PTPRD: variants seen among roughly 807,000 people sequenced by gnomAD.
PTPRD encodes receptor-type tyrosine-protein phosphatase delta.
Under a neutral mutation model 214.5 loss-of-function variants are expected in PTPRD, and 34 were observed. That is an observed-to-expected ratio of 0.16 (90% CI 0.12 to 0.21). The LOEUF (loss-of-function observed/expected upper bound fraction) is 0.21, where lower values mean the gene tolerates loss of function less well. Ranked by LOEUF, PTPRD falls within the 10% of genes least tolerant of loss-of-function variation. The pLI, the probability that PTPRD is intolerant of heterozygous loss-of-function variation, is 1.00. For synonymous variants in PTPRD, 1,128 were observed against 845.7 expected (o/e 1.33, Z -5.79); for missense variants, 2,545 against 2,398.7 (o/e 1.06, Z -1.27).
chr9:9,129,592 AC>A (rs1185751732), intron 10 of PTPRD, among the ~76,000 whole-genome samples: 1 of 152,164 alleles, frequency 6.6e-6, no homozygotes, highest in Non-Finnish European at 1.5e-5. Flanking sequence ...ATTTTATATC[AC>A]TATAGGTAAT....
chr9:9,106,841 T>A (rs1475366062), intron 10 of PTPRD, among the ~76,000 whole-genome samples: 1 of 152,152 alleles, frequency 6.6e-6, no homozygotes, highest in Non-Finnish European at 1.5e-5. Flanking sequence ...TTGTTCTATC[T>A]CTTATTATCC....
At chr9:10,609,933 G>C (rs1363214988) in intron 2 of PTPRD, among the ~76,000 whole-genome samples, 10 of 152,070 alleles carry the variant, frequency 6.6e-5, no homozygotes, top group Admixed American at 5.2e-4. Context: ...GCAACTGAAA[G>C]CAAATGCAGG....
At chr9:8,583,061 G>A (rs576573866) in intron 14 of PTPRD, among the ~76,000 whole-genome samples, 14 of 152,280 alleles carry the variant, frequency 9.2e-5, no homozygotes, top group East Asian at 3.9e-4. Flanking sequence ...GTCCCCAACC[G>A]TTTTGGCCAA....
chr9:9,539,001 G>A (rs1442846793), intron 8 of PTPRD, among the ~76,000 whole-genome samples: 2 of 151,812 alleles, frequency 1.3e-5, no homozygotes, highest in African/African-American at 4.8e-5. Context: ...AGACAGCCAT[G>A]TTCCTGTTAT....
intron 11 of PTPRD, among the ~76,000 whole-genome samples, chr9:8,798,857 T>C (rs920794265): frequency 6.6e-6 from 1 of 152,154 alleles, no homozygotes; most frequent in Non-Finnish European, 1.5e-5. Flanking sequence ...TAAGTCAGAG[T>C]ATCTAGGTCC....
chr9:10,545,435 T>C (rs2059978769), intron 2 of PTPRD, among the ~76,000 whole-genome samples: 1 of 152,222 alleles, frequency 6.6e-6, no homozygotes, highest in South Asian at 2.1e-4. Context: ...CACACAGGCC[T>C]TAATACAATC....
At position 8,678,584 on chromosome 9, in the gene PTPRD, G is replaced by C. The variant is rs77167702; in HGVS notation, c.65-41740C>G. 3.6e-3 allele frequency among the ~76,000 whole-genome samples: 547 copies of C among 152,154 alleles called. 4 individuals carry two copies. Among genetic ancestry groups the C allele is most frequent in the African/African-American group, 0.013 (535 of 41,518 alleles). On this transcript the variant is annotated intron_variant, in intron 12 of 45. Coordinates refer to ENST00000381196, the MANE Select transcript of PTPRD (RefSeq NM_002839.4). ...CAATCAATACTTCTCAATAATAAAG[G>C]AAATACAGTATTTTGGCCCATATTT... is the stretch of plus-strand genomic sequence containing the variant.
At chr9:8,563,985 C>A (rs2087686707) in intron 14 of PTPRD, among the ~76,000 whole-genome samples, 1 of 152,164 alleles carries the variant, frequency 6.6e-6, no homozygotes, top group African/African-American at 2.4e-5. Context: ...AATTTTCAAA[C>A]TTTAGACGGT....
intron 7 of PTPRD, among the ~76,000 whole-genome samples, chr9:9,712,045 C>A (rs769041041): frequency 6.6e-6 from 1 of 151,968 alleles, no homozygotes; most frequent in Non-Finnish European, 1.5e-5. Context: ...CTCGCACCGA[C>A]TTAGCAAAAC....
chr9:9,546,517 A>G (rs1443645984), intron 8 of PTPRD, among the ~76,000 whole-genome samples: 2 of 151,422 alleles, frequency 1.3e-5, no homozygotes, highest in Non-Finnish European at 3.0e-5. Flanking sequence ...TTTTCTATGT[A>G]TTTATCTTAA....
At chr9:8,562,965 C>G (rs188342793) in intron 14 of PTPRD, among the ~76,000 whole-genome samples, 1 of 151,204 alleles carries the variant, frequency 6.6e-6, no homozygotes, top group Admixed American at 6.6e-5. Flanking sequence ...CATATGGGCA[C>G]CCACTTTTTC....
chr9:9,824,263 A>G (rs1250244985), intron 5 of PTPRD, among the ~76,000 whole-genome samples: 1 of 151,920 alleles, frequency 6.6e-6, no homozygotes, highest in Non-Finnish European at 1.5e-5. Flanking sequence ...ATCTTTATTT[A>G]TCCTTAGTCT....
chr9:10,529,963 T>C (rs2055673589), intron 2 of PTPRD, among the ~76,000 whole-genome samples: 1 of 151,244 alleles, frequency 6.6e-6, no homozygotes, highest in South Asian at 2.1e-4. Flanking sequence ...ATGTGGTACT[T>C]AAGACCTAGA....
intron 7 of PTPRD, among the ~76,000 whole-genome samples, chr9:9,732,729 C>G (rs983538007): frequency 6.6e-6 from 1 of 152,064 alleles, no homozygotes; most frequent in Non-Finnish European, 1.5e-5. Flanking sequence ...AGATGGAAGG[C>G]TAACCCTCAT....
chr9:8,646,909 T>A (rs2096706374), intron 12 of PTPRD, among the ~76,000 whole-genome samples: 1 of 151,828 alleles, frequency 6.6e-6, no homozygotes, highest in African/African-American at 2.4e-5. Flanking sequence ...CACTTTTGAG[T>A]ATTTAGGACG....
chr9:8,397,226 C>G (rs1271000212), intron 36 of PTPRD, among the ~76,000 whole-genome samples: 1 of 152,018 alleles, frequency 6.6e-6, no homozygotes, highest in Non-Finnish European at 1.5e-5. Context: ...TGCCAACAAA[C>G]TATTCACTAG....
intron 14 of PTPRD, among the ~76,000 whole-genome samples, chr9:8,627,692 G>C (rs2096087720): frequency 6.6e-6 from 1 of 151,750 alleles, no homozygotes; most frequent in Non-Finnish European, 1.5e-5. Flanking sequence ...AGATAGATCA[G>C]AAGGAAAATG....
chr9:9,763,306 T>C (rs2098676827), intron 6 of PTPRD, among the ~76,000 whole-genome samples: 1 of 152,196 alleles, frequency 6.6e-6, no homozygotes, highest in Non-Finnish European at 1.5e-5. Context: ...AGTCTTTTTC[T>C]AAGCATTTTC....
chr9:10,407,366 C>T (rs939463522), intron 2 of PTPRD, among the ~76,000 whole-genome samples: 6 of 151,332 alleles, frequency 4.0e-5, no homozygotes, highest in Non-Finnish European at 7.4e-5. Flanking sequence ...GCGAGAATAT[C>T]CTCGTTTTCA....
Sources: gnomAD v4.1 joint callset for allele counts (sites outside exome capture counted in the v4.1 genomes callset) on GRCh38, gnomAD v4.1.1 for gene constraint, MANE v1.5 for transcripts, NCBI Gene and HGNC (gene_info 2026-07-23, HGNC 2026-07-21) for gene names.